The following C8orf34 variants were observed in gnomAD, a reference collection of about 807,000 sequenced individuals.
The protein encoded by C8orf34 is chromosome 8 open reading frame 34.
C8orf34 carries 65 observed loss-of-function variants against 68.3 expected under a neutral mutation model. The observed-to-expected ratio is 0.95, with a 90% CI of 0.78 to 1.17. The LOEUF is 1.17. Ranked by LOEUF, C8orf34 falls within the 50% of genes most tolerant of loss-of-function variation. The pLI, the probability that C8orf34 is intolerant of heterozygous loss-of-function variation, is 0.00. For synonymous variants in C8orf34, 244 were observed against 241.2 expected (o/e 1.01, Z -0.11); for missense variants, 664 against 655.4 (o/e 1.01, Z -0.14).
intron 11 of C8orf34, among the ~76,000 whole-genome samples, chr8:68,780,787 A>C (rs906121353): frequency 6.6e-6 from 1 of 152,142 alleles, no homozygotes; most frequent in African/African-American, 2.4e-5. Context: ...CACACCCCAC[A>C]TGGATAGTAT....
intron 7 of C8orf34, among the ~76,000 whole-genome samples, chr8:68,582,860 G>A (rs1011186484): frequency 2.0e-5 from 3 of 152,052 alleles, no homozygotes; most frequent in African/African-American, 7.2e-5. Context: ...ACTAAAACAA[G>A]GAAAGGCTGT....
chr8:68,468,221 T>C (rs145197295), intron 3 of C8orf34, among the ~76,000 whole-genome samples: 114 of 152,048 alleles, frequency 7.5e-4, no homozygotes, highest in African/African-American at 2.6e-3. Flanking sequence ...AACTAATTCT[T>C]TGAGGAAAAA....
intron 3 of C8orf34, among the ~76,000 whole-genome samples, chr8:68,461,457 C>G (rs907718852): frequency 1.3e-5 from 2 of 152,140 alleles, no homozygotes; most frequent in African/African-American, 4.8e-5. Context: ...AAAGATATTC[C>G]TCGAGAAGAG....
chr8:68,332,962 G>A (rs1805694638), intron 1 of C8orf34, among the ~76,000 whole-genome samples: 1 of 152,050 alleles, frequency 6.6e-6, no homozygotes, highest in African/African-American at 2.4e-5. Flanking sequence ...CTTCTGCAAC[G>A]CAGTGTATTA....
At chr8:68,791,217 A>G (rs1823985496) in intron 12 of C8orf34, 2 of 374,966 alleles carry the variant, frequency 5.3e-6, no homozygotes, top group Non-Finnish European at 9.5e-6. Context: ...ACTTACAGTC[A>G]TGGCAGAAGG....
chr8:68,742,466 C>G (rs537110809), intron 10 of C8orf34, among the ~76,000 whole-genome samples: 83 of 152,268 alleles, frequency 5.5e-4, no homozygotes, highest in Middle Eastern at 3.4e-3. Flanking sequence ...GTAAGCAGCC[C>G]CTCTCATTTG....
intron 5 of C8orf34, among the ~76,000 whole-genome samples, chr8:68,491,269 C>T (rs1813301495): frequency 6.6e-6 from 1 of 150,400 alleles, no homozygotes; most frequent in Admixed American, 6.6e-5. Flanking sequence ...TGTGGGAATT[C>T]CATCAATTCC....
intron 1 of C8orf34, among the ~76,000 whole-genome samples, chr8:68,430,346 C>T (rs185805209): frequency 9.1e-4 from 139 of 152,230 alleles, no homozygotes; most frequent in African/African-American, 3.1e-3. Context: ...TGGATGTTCA[C>T]TTGTATCCTT....
At chr8:68,733,231 T>C (rs1822033481) in intron 10 of C8orf34, among the ~76,000 whole-genome samples, 1 of 152,188 alleles carries the variant, frequency 6.6e-6, no homozygotes, top group South Asian at 2.1e-4. Context: ...ACATCCCATT[T>C]TGTTTGCAAG....
chr8:68,636,794 G>A (rs956033995), intron 7 of C8orf34, among the ~76,000 whole-genome samples: 2 of 152,050 alleles, frequency 1.3e-5, no homozygotes, highest in Non-Finnish European at 2.9e-5. Context: ...TCTGCTGAGA[G>A]AGTGGCCACA....
intron 8 of C8orf34, among the ~76,000 whole-genome samples, chr8:68,693,942 G>A (rs556708292): frequency 1.3e-5 from 2 of 152,116 alleles, no homozygotes; most frequent in African/African-American, 4.8e-5. Flanking sequence ...CCACAAAAAG[G>A]GTGGAGGAAT....
chr8:68,813,991 T>C (rs140672501), intron 12 of C8orf34, among the ~76,000 whole-genome samples: 37 of 152,338 alleles, frequency 2.4e-4, no homozygotes, highest in African/African-American at 8.7e-4. Context: ...TACTGTAATC[T>C]GCTATCTGTC....
intron 8 of C8orf34, among the ~76,000 whole-genome samples, chr8:68,705,647 T>C (rs973239413): frequency 1.3e-5 from 2 of 151,984 alleles, no homozygotes; most frequent in Non-Finnish European, 2.9e-5. Flanking sequence ...ATGAAGAATA[T>C]GGGAGTTTGG....
rs190842005 is a variant in C8orf34, at chr8:68,453,902, G to A, written c.607+7442G>A. Among the ~76,000 whole-genome samples, 6 of 152,096 alleles carry A rather than the reference G, an allele frequency of 3.9e-5. No individual in the cohort carries two copies. The East Asian group carries it at 1.2e-3, about 29-fold the overall frequency. On this transcript the variant is annotated intron_variant, in intron 3 of 13. Coordinates refer to ENST00000518698, the MANE Select transcript of C8orf34 (RefSeq NM_052958.4). ...TCTTGTATCATGGGGTGTGGTGTTA[G>A]CTGTGAGTTTTTCCAAAATGCCTTT...
At position 68,815,918 on chromosome 8, in the gene C8orf34, T is replaced by A; in HGVS notation, c.1582T>A (p.Ser528Thr). The A allele has an allele frequency of 6.2e-7, 1 of 1,613,912 alleles. No individual in the cohort carries two copies. Residue 528 changes from serine (S) to threonine (T), a missense_variant, in exon 13 of 14, where the codon TCT (serine) becomes ACT (threonine). Transcript: ENST00000518698. Reference sequence around the variant, plus strand: ...TGATCTTCTTCTTTGCGTTCCATGCTCTTCTTGTCCTACGCTGGTCTACTC... The same window carrying A: ...TGATCTTCTTCTTTGCGTTCCATGCACTTCTTGTCCTACGCTGGTCTACTC... The part of the protein sequence containing the change: ...SADLLLCVPC[S>T]SCPTLVYSGL
At chr8:68,759,069 CACAT>C (rs765933371) in intron 10 of C8orf34, among the ~76,000 whole-genome samples, 5 of 152,074 alleles carry the variant, frequency 3.3e-5, no homozygotes, top group Non-Finnish European at 7.4e-5. Flanking sequence ...TATACGTAGA[CACAT>C]ACATACATAT....
intron 10 of C8orf34, among the ~76,000 whole-genome samples, chr8:68,772,887 CCTT>C (rs1823394947): frequency 6.6e-6 from 1 of 150,386 alleles, no homozygotes; most frequent in Non-Finnish European, 1.5e-5. Context: ...TTCCTTCCTT[CCTT>C]CTTTCTTTTT....
intron 8 of C8orf34, among the ~76,000 whole-genome samples, chr8:68,672,255 C>G (rs1820036524): frequency 1.3e-5 from 2 of 152,062 alleles, no homozygotes; most frequent in African/African-American, 4.8e-5. Context: ...ATAGGGACAC[C>G]AAATTTGACA....
intron 7 of C8orf34, among the ~76,000 whole-genome samples, chr8:68,547,074 T>C (rs950877566): frequency 2.0e-5 from 3 of 151,626 alleles, no homozygotes; most frequent in African/African-American, 7.2e-5. Flanking sequence ...AATGAATCAA[T>C]GAAATCAAAA....
Sources: allele counts gnomAD v4.1 joint callset (sites outside exome capture counted in the v4.1 genomes callset), GRCh38; gene constraint gnomAD v4.1.1; transcripts MANE v1.5; gene names NCBI Gene and HGNC (gene_info 2026-07-23, HGNC 2026-07-21).